HPN: variants seen among roughly 807,000 people sequenced by gnomAD.
HPN encodes hepsin, also known as serine protease hepsin.
A neutral mutation model predicts 55.9 loss-of-function variants in HPN; 13 were observed. The ratio of observed to expected loss-of-function variants is 0.23; its 90% CI spans 0.15 to 0.37. HPN has a LOEUF of 0.37. HPN is among the 10% of genes least tolerant of loss of function. The probability of loss-of-function intolerance (pLI) is 1.00; values close to 1 mark genes in which losing one functional copy is unlikely to be tolerated. For synonymous variants in HPN, 225 were observed against 240.3 expected (o/e 0.94, Z 0.59); for missense variants, 451 against 575.8 (o/e 0.78, Z 2.22).
chr19:35,063,377 G>A (rs1219259340), intron 9 of HPN, among the ~76,000 whole-genome samples: 2 of 152,204 alleles, frequency 1.3e-5, no homozygotes, highest in Non-Finnish European at 2.9e-5. Context: ...CTGTGGTACT[G>A]GTTTCCCATT....
chr19:35,062,246 G>T (rs1020527641), intron 9 of HPN, among the ~76,000 whole-genome samples: 1 of 152,116 alleles, frequency 6.6e-6, no homozygotes, highest in Non-Finnish European at 1.5e-5. Context: ...AGGACACAAG[G>T]TTTCTTGTCT....
chr19:35,065,396 A>G (rs2305746), intron 10 of HPN, 51 bp downstream of exon 10: 1,441,524 of 1,575,434 alleles, frequency 0.92, 662,527 homozygotes, highest in Admixed American at 0.95. Flanking sequence ...ACTCTGAACT[A>G]GGCTGGGGAT....
chr19:35,060,056 C>CTTCCTTCCACCTGT (rs1474099327), intron 6 of HPN, 60 bp downstream of exon 6: 9 of 1,613,764 alleles, frequency 5.6e-6, no homozygotes, highest in Non-Finnish European at 7.6e-6. Context: ...CTCCCTCTCC[C>CTTCCTTCCACCTGT]CGTTTTCCTT....
chr19:35,043,363 G>A (rs954233067), intron 2 of HPN, among the ~76,000 whole-genome samples: 2 of 152,180 alleles, frequency 1.3e-5, no homozygotes, highest in African/African-American at 4.8e-5. Flanking sequence ...ATGGAGGGGC[G>A]TCCTGTTCTT....
In HPN at chr19:35,058,608, TTAA is replaced by T. The variant is rs371201959; in HGVS notation, c.161-1062_161-1060del. On this transcript the variant is annotated intron_variant, in intron 4 of 12. Transcript: ENST00000672452. ...TATATTATTATATTATAACAATATATTAATATTATATTATAACAATATATTAAT... is the reference window on the plus strand; with the variant it reads ...TATATTATTATATTATAACAATATATTATTATATTATAACAATATATTAAT... Among the ~76,000 whole-genome samples, 691 of 146,964 alleles carry T rather than the reference TTAA, an allele frequency of 4.7e-3. 28 individuals carry two copies. The South Asian group carries it at 0.11, about 23-fold the overall frequency.
chr19:35,041,934 C>T, intron 1 of HPN, 62 bp downstream of exon 1: 2 of 1,261,422 alleles, frequency 1.6e-6, no homozygotes, highest in Non-Finnish European at 2.0e-6. Flanking sequence ...CCCTCATCCC[C>T]CCACCCAGCC....
At chr19:35,050,701 G>A (rs2064394722) in intron 4 of HPN, among the ~76,000 whole-genome samples, 1 of 152,172 alleles carries the variant, frequency 6.6e-6, no homozygotes, top group African/African-American at 2.4e-5. Context: ...ATGTCTGTGA[G>A]CCTCATCTAA....
chr19:35,050,626 G>A (rs1253748061), intron 4 of HPN: 6 of 881,720 alleles, frequency 6.8e-6, no homozygotes, highest in Non-Finnish European at 9.4e-6. Flanking sequence ...CCAACTTCAA[G>A]CTGCCATTCC....
At chr19:35,046,451 G>A (rs1396639282) in intron 2 of HPN, among the ~76,000 whole-genome samples, 1 of 152,052 alleles carries the variant, frequency 6.6e-6, no homozygotes, top group Non-Finnish European at 1.5e-5. Context: ...CACCATGTTG[G>A]CCAGGCTGGT....
At position 35,064,136 on chromosome 19, in the gene HPN, G is replaced by A. The variant is rs185955726; in HGVS notation, c.812-1114G>A. On this transcript the variant is annotated intron_variant, in intron 9 of 12. Transcript: ENST00000672452. The stretch of plus-strand genomic sequence containing the variant: ...TACATCTGAGAGCTCTAAGACTCAG[G>A]CAGGTGATGTCATCAGCAGGCAGCA... 7.5e-3 allele frequency among the ~76,000 whole-genome samples: 979 copies of A among 130,032 alleles called. 14 individuals carry two copies. The highest frequency in any genetic ancestry group is 8.9e-3 in the Non-Finnish European group (531 of 59,904). 85.3% of individuals were successfully genotyped at this position (130,032 alleles called of 152,430 possible). A position where few individuals can be genotyped will look rare whatever the true frequency, so the allele number is the denominator to read the frequency against.
chr19:35,066,187 A>G, intron 12 of HPN, 62 bp from the exon 13 acceptor site: 10 of 1,613,796 alleles, frequency 6.2e-6, no homozygotes, highest in South Asian at 2.2e-5. Flanking sequence ...TGGGGAAGGG[A>G]AGCCAGTGGT....
At chr19:35,041,673 C>CCCCAA, upstream of HPN, 1 of 1,118,500 alleles carries the variant, frequency 8.9e-7, no homozygotes, top group Non-Finnish European at 1.1e-6. Context: ...AATGGTCCGG[C>CCCCAA]CCCTCCCCGC....
intron 4 of HPN, among the ~76,000 whole-genome samples, chr19:35,052,859 C>G: frequency 6.6e-6 from 1 of 152,160 alleles, no homozygotes; most frequent in East Asian, 1.9e-4. Flanking sequence ...CTGGGATGAA[C>G]TAGAGAGTCA....
chr19:35,041,688 T>TCCCCCCCCCCCCCCC, upstream of HPN: 7 of 638,114 alleles, frequency 1.1e-5, no homozygotes, highest in Admixed American at 5.9e-5. Context: ...CCCCGCCCCT[T>TCCCCCCCCCCCCCCC]CACCCGCCCC....
intron 2 of HPN, among the ~76,000 whole-genome samples, chr19:35,044,751 G>T (rs1377586653): frequency 6.6e-6 from 1 of 152,160 alleles, no homozygotes; most frequent in Non-Finnish European, 1.5e-5. Context: ...AAGCTGTCTG[G>T]GGGGTACTAG....
intron 4 of HPN, 47 bp downstream of exon 4, chr19:35,049,563 G>C (rs570146872): frequency 5.2e-6 from 8 of 1,537,578 alleles, no homozygotes; most frequent in Non-Finnish European, 7.1e-6. Context: ...TGGAGGACAC[G>C]TGTATCTGGC....
intron 9 of HPN, among the ~76,000 whole-genome samples, chr19:35,063,848 C>T (rs2151769286): frequency 6.6e-6 from 1 of 152,304 alleles, no homozygotes; most frequent in African/African-American, 2.4e-5. Flanking sequence ...GGACACATGG[C>T]TTCACCTCAC....
At chr19:35,056,526 G>A (rs1427979936) in intron 4 of HPN, among the ~76,000 whole-genome samples, 4 of 152,132 alleles carry the variant, frequency 2.6e-5, no homozygotes, top group Non-Finnish European at 5.9e-5. Flanking sequence ...GGTTTCAGGG[G>A]ACATCTGTTC....
chr19:35,045,699 C>T (rs1176727129), intron 2 of HPN, among the ~76,000 whole-genome samples: 1 of 144,818 alleles, frequency 6.9e-6, no homozygotes, highest in South Asian at 2.2e-4. Context: ...CGTCCCACAC[C>T]CTGGGCCAGA....
Sources: gnomAD v4.1 joint callset for allele counts (sites outside exome capture counted in the v4.1 genomes callset) on GRCh38, gnomAD v4.1.1 for gene constraint, MANE v1.5 for transcripts, NCBI Gene and HGNC (gene_info 2026-07-23, HGNC 2026-07-21) for gene names.